MYH15: variants seen among roughly 807,000 people sequenced by gnomAD.
The protein encoded by MYH15 is myosin-15.
MYH15 carries 227 observed loss-of-function variants against 240.5 expected under a neutral mutation model. That is an observed-to-expected ratio of 0.94 (90% CI 0.85 to 1.05). The LOEUF (loss-of-function observed/expected upper bound fraction) is 1.05, where lower values mean the gene tolerates loss of function less well. Ranked by LOEUF, MYH15 falls within the 50% of genes least tolerant of loss-of-function variation. The probability of loss-of-function intolerance (pLI) is 0.00; values close to 1 mark genes in which losing one functional copy is unlikely to be tolerated. For synonymous variants in MYH15, 785 were observed against 796.7 expected (o/e 0.99, Z 0.25); for missense variants, 2,217 against 2,247.5 (o/e 0.99, Z 0.27).
chr3:108,492,401 T>C (rs1023256166), intron 9 of MYH15, 99 bp downstream of exon 9: 3 of 753,500 alleles, frequency 4.0e-6, no homozygotes, highest in Admixed American at 2.6e-5. Context: ...GAGGTCTAAA[T>C]AGGCTAAGAA....
intron 28 of MYH15, among the ~76,000 whole-genome samples, 156 bp downstream of exon 28, chr3:108,420,932 C>G (rs1004814949): frequency 2.0e-5 from 3 of 152,106 alleles, no homozygotes; most frequent in Admixed American, 6.5e-5. Context: ...AGACAAGAGG[C>G]ATGTGTGTGG....
intron 38 of MYH15, among the ~76,000 whole-genome samples, chr3:108,388,170 C>G (rs2082397729): frequency 6.6e-6 from 1 of 152,128 alleles, no homozygotes; most frequent in Non-Finnish European, 1.5e-5. Flanking sequence ...TGTGAGAGGG[C>G]TGGAAAGTGA....
intron 1 of MYH15, among the ~76,000 whole-genome samples, chr3:108,520,793 T>A (rs2603126): frequency 3.3e-5 from 5 of 152,034 alleles, no homozygotes; most frequent in East Asian, 3.9e-4. Context: ...TTTCCATATC[T>A]CCAAGAAAAT....
chr3:108,404,655 T>A (rs1380290558), intron 33 of MYH15, among the ~76,000 whole-genome samples: 1 of 152,172 alleles, frequency 6.6e-6, no homozygotes. Flanking sequence ...CTGCAACCCA[T>A]GAGTCCTGTC....
intron 18 of MYH15, among the ~76,000 whole-genome samples, chr3:108,457,223 A>G (rs1261691773): frequency 1.3e-5 from 2 of 152,204 alleles, no homozygotes; most frequent in Non-Finnish European, 2.9e-5. Context: ...TTCATTTGCC[A>G]ACCAAAACCA....
At chr3:108,535,766 A>G in the MYH15 span, among the ~76,000 whole-genome samples, 1 of 152,164 alleles carries the variant, frequency 6.6e-6, no homozygotes, top group African/African-American at 2.4e-5. Context: ...TCGACTTATT[A>G]TTTGATCTTC....
intron 29 of MYH15, 47 bp downstream of exon 29, chr3:108,416,765 A>C: frequency 6.9e-7 from 1 of 1,457,198 alleles, no homozygotes; most frequent in Non-Finnish European, 9.5e-7. Flanking sequence ...TTTTTAAAAA[A>C]AAAAACACAC....
the MYH15 span, among the ~76,000 whole-genome samples, chr3:108,542,715 C>A: frequency 6.6e-6 from 1 of 152,206 alleles, no homozygotes; most frequent in Middle Eastern, 3.4e-3. Context: ...CACTCCTCCC[C>A]ACAACAGGCT....
rs2107531750 is a variant in MYH15, at chr3:108,384,683, T to C, written c.5631+4A>G. On this transcript the variant is annotated splice_donor_region_variant and intron_variant, in intron 39 of 40. Coordinates refer to ENST00000693548, the MANE Select transcript of MYH15 (RefSeq NM_014981.3). ...ATGAGGCTGAAACTTCCCCAGGCAC[T>C]CACCGCCACCTCGACTTGCTGCTTG... is the stretch of plus-strand genomic sequence containing the variant. 6.2e-7 allele frequency: 1 copy of C among 1,612,644 alleles called. No homozygotes were observed. Among genetic ancestry groups the C allele is most frequent in the East Asian group, 2.2e-5 (1 of 44,848 alleles).
At chr3:108,550,495 A>C in the MYH15 span, 1 of 151,434 alleles carries the variant, frequency 6.6e-6, no homozygotes, top group African/African-American at 2.4e-5. Flanking sequence ...ATTTTTTATG[A>C]GACAGCTATT....
Position 108,416,839 on chromosome 3 carries a change from C to T in MYH15, c.3921G>A (p.Leu1307=), listed in dbSNP as rs2107552006. Residue 1307 remains leucine, a synonymous_variant, in exon 29 of 41, where the codon CTG becomes CTA. Coordinates refer to ENST00000693548, the MANE Select transcript of MYH15 (RefSeq NM_014981.3). ...TGGTCTCCTTTTCCAGCTGCCCTCT[C>T]AGGTCTTCAATCTGCCGAGTGAAGT... The part of the protein sequence containing the change: ...KSNFTRQIED[L]RGQLEKETKS... The T allele has an allele frequency of 6.2e-7, 1 of 1,613,946 alleles. No individual in the cohort carries two copies. Among genetic ancestry groups the T allele is most frequent in the Non-Finnish European group, 8.5e-7 (1 of 1,179,858 alleles).
chr3:108,521,549 G>C (rs555923114), intron 1 of MYH15, among the ~76,000 whole-genome samples: 1 of 152,242 alleles, frequency 6.6e-6, no homozygotes, highest in Admixed American at 6.6e-5. Flanking sequence ...CACCTCTCCT[G>C]AAGCCTATTA....
At chr3:108,522,127 C>G (rs1382960682) in intron 1 of MYH15, among the ~76,000 whole-genome samples, 1 of 151,862 alleles carries the variant, frequency 6.6e-6, no homozygotes, top group Non-Finnish European at 1.5e-5. Flanking sequence ...GGACATGCAC[C>G]AATAGACTCG....
At chr3:108,471,977 A>C (rs1240797780) in intron 12 of MYH15, among the ~76,000 whole-genome samples, 1 of 152,080 alleles carries the variant, frequency 6.6e-6, no homozygotes, top group African/African-American at 2.4e-5. Flanking sequence ...TCTGAAAAAC[A>C]CTCTTAAAGG....
At position 108,428,355 on chromosome 3, in the gene MYH15, TC is replaced by T. The variant is rs2082743293; in HGVS notation, c.3702+136del. On this transcript the variant is annotated intron_variant, in intron 27 of 40. Coordinates refer to ENST00000693548, the MANE Select transcript of MYH15 (RefSeq NM_014981.3). The stretch of plus-strand genomic sequence containing the variant: ...CTAAGGTCAGGCCTGATCTATTCCG[TC>T]CAAAGGACTATAGTCTTCATTAGAA... 4.6e-6 allele frequency: 5 copies of T among 1,087,942 alleles called. No individual in the cohort carries two copies. In the Admixed American group the frequency reaches 6.9e-5, roughly 15 times the overall value. The allele number at this position is 1,087,942 out of a possible 1,614,324, so 67.4% of individuals were successfully genotyped here.
intron 24 of MYH15, among the ~76,000 whole-genome samples, chr3:108,438,276 T>C (rs1485116428): frequency 6.6e-6 from 1 of 152,172 alleles, no homozygotes; most frequent in Non-Finnish European, 1.5e-5. Context: ...TTCATAACAT[T>C]ATGTCATATT....
chr3:108,437,977 T>C (rs2082855234), intron 24 of MYH15, among the ~76,000 whole-genome samples: 2 of 152,196 alleles, frequency 1.3e-5, no homozygotes, highest in Admixed American at 6.5e-5. Flanking sequence ...GAGCCCTTGA[T>C]TGATCGTTTT....
chr3:108,489,745 CT>C (rs1232226010), intron 9 of MYH15, among the ~76,000 whole-genome samples: 9 of 152,250 alleles, frequency 5.9e-5, no homozygotes, highest in Middle Eastern at 3.4e-3. Context: ...AAGATATGCC[CT>C]CTTGTATTAA....
chr3:108,536,231 C>T, the MYH15 span, among the ~76,000 whole-genome samples: 3 of 152,262 alleles, frequency 2.0e-5, no homozygotes, highest in African/African-American at 7.2e-5. Context: ...TGCTACTGAA[C>T]TCCATCCTAG....
Sources: gnomAD v4.1 joint callset for allele counts (sites outside exome capture counted in the v4.1 genomes callset) on GRCh38, gnomAD v4.1.1 for gene constraint, MANE v1.5 for transcripts, NCBI Gene and HGNC (gene_info 2026-07-23, HGNC 2026-07-21) for gene names.